Variants in SLC9A7 observed in about 807,000 individuals in gnomAD.
The protein encoded by SLC9A7 is solute carrier family 9 member A7, also known as sodium/hydrogen exchanger 7.
In SLC9A7, 19 loss-of-function variants were observed where a neutral mutation model predicts 52.6. The observed-to-expected ratio is 0.36, with a 90% confidence interval of 0.25 to 0.53. The LOEUF is 0.53. Ranked by LOEUF, SLC9A7 falls within the 20% of genes least tolerant of loss-of-function variation. The pLI, the probability that SLC9A7 is intolerant of heterozygous loss-of-function variation, is 0.91. For synonymous variants in SLC9A7, 226 were observed against 252.1 expected, an observed-to-expected ratio of 0.90 and a Z score of 0.98; for missense variants, 455 against 597.9, an observed-to-expected ratio of 0.76 and a Z score of 2.49.
intron 3 of SLC9A7, 30 bp from the exon 4 acceptor site, chrX:46,672,657 A>G (rs775144677): frequency 1.9e-6 from 2 of 1,057,214 alleles, no homozygotes; most frequent in African/African-American, 3.7e-5. Flanking sequence ...AAAACCCAGG[A>G]ATCACATTGT....
intron 15 of SLC9A7, among the ~76,000 whole-genome samples, chrX:46,616,910 G>A (rs1391815488): frequency 9.0e-6 from 1 of 111,368 alleles, no homozygotes; most frequent in South Asian, 3.8e-4. Flanking sequence ...GAATGCCCCC[G>A]AACGTGTCCA....
At chrX:46,642,246 G>A (rs748631474) in intron 12 of SLC9A7, among the ~76,000 whole-genome samples, 23 of 112,919 alleles carry the variant, frequency 2.0e-4, no homozygotes, top group Non-Finnish European at 3.6e-4. Flanking sequence ...CAGCTGTGTC[G>A]GGCATTCTAC....
chrX:46,700,854 G>T (rs937728577), intron 1 of SLC9A7, among the ~76,000 whole-genome samples: 3 of 111,568 alleles, frequency 2.7e-5, no homozygotes, highest in Non-Finnish European at 5.6e-5. Context: ...GAGAAGTTAA[G>T]GTACCATTGC....
chrX:46,738,031 AAAAGAAAGAAAGAAAGAAAGAAAG>A (rs58544637), intron 1 of SLC9A7, among the ~76,000 whole-genome samples: 4,340 of 70,359 alleles, frequency 0.062, 183 homozygotes, highest in Middle Eastern at 0.093. Flanking sequence ...TGTCTCAAAA[AAAAGAAAGAAAGAAAGAAAGAAAG>A]AAAGAAAGAA....
intron 7 of SLC9A7, among the ~76,000 whole-genome samples, chrX:46,655,863 G>A (rs1459934700): frequency 3.5e-5 from 4 of 112,757 alleles, no homozygotes; most frequent in Non-Finnish European, 7.5e-5. Flanking sequence ...ACTGGGTGGA[G>A]CCCACCACAG....
intron 7 of SLC9A7, among the ~76,000 whole-genome samples, chrX:46,660,774 G>A (rs1350142927): frequency 1.9e-5 from 2 of 108,072 alleles, no homozygotes; most frequent in Non-Finnish European, 3.8e-5. Context: ...CTGTTGGTGG[G>A]ACTGTAAACT....
intron 1 of SLC9A7, among the ~76,000 whole-genome samples, chrX:46,723,888 G>A (rs1944902188): frequency 9.0e-6 from 1 of 111,688 alleles, no homozygotes; most frequent in Non-Finnish European, 1.9e-5. Context: ...AGGAGTTCAA[G>A]GCCAGCCTGG....
At chrX:46,645,621 T>G in intron 11 of SLC9A7, among the ~76,000 whole-genome samples, 1 of 103,326 alleles carries the variant, frequency 9.7e-6, no homozygotes, top group Non-Finnish European at 2.0e-5. Context: ...CCACTCCCTT[T>G]TTTTTTTTTT....
In SLC9A7 at chrX:46,682,401, T is replaced by C. The variant is rs1196966693; in HGVS notation, c.460A>G (p.Thr154Ala). Residue 154 changes from threonine (T) to alanine (A), a missense_variant, in exon 2 of 17, where the codon ACT becomes GCT. Physicochemically the swap from Thr to Ala is moderately conservative, Grantham distance 58 (BLOSUM62 0). Coordinates refer to ENST00000616978, the MANE Select transcript of SLC9A7 (RefSeq NM_001257291.2). ...CCAGGACTGATTTCTCCTTTCAGAG[T>C]GTATTCGAAGAACTTTCCGCTGACA... ...VNVSGKFFEYTLKGEISPGKI... is the reference protein window; with the variant it reads ...VNVSGKFFEYALKGEISPGKI... 1 of 1,211,119 alleles carries C rather than the reference T, an allele frequency of 8.3e-7. No individual in the cohort carries two copies.
intron 14 of SLC9A7, among the ~76,000 whole-genome samples, chrX:46,627,442 ACACATTCC>A (rs1943149101): frequency 8.9e-6 from 1 of 111,986 alleles, no homozygotes; most frequent in Admixed American, 9.4e-5. Flanking sequence ...TAAAATGTAC[ACACATTCC>A]CTGGAGACAC....
intron 11 of SLC9A7, among the ~76,000 whole-genome samples, chrX:46,644,773 A>G (rs1943462446): frequency 1.8e-5 from 2 of 112,244 alleles, no homozygotes; most frequent in South Asian, 7.3e-4. Flanking sequence ...ACATCTTTCT[A>G]TTTTGCAATT....
At chrX:46,756,956 G>T (rs781995505) in intron 1 of SLC9A7, among the ~76,000 whole-genome samples, 1 of 111,976 alleles carries the variant, frequency 8.9e-6, no homozygotes, top group Non-Finnish European at 1.9e-5. Flanking sequence ...TCAGAACACG[G>T]AGTACTCTCC....
At chrX:46,652,435 C>CA (rs1556088930) in intron 8 of SLC9A7, among the ~76,000 whole-genome samples, 329 of 686 alleles carry the variant, frequency 0.48, 2 homozygotes, top group Non-Finnish European at 0.4. Context: ...TATAGGCATG[C>CA]GCACTGTGCC....
Position 46,639,241 on chromosome X carries a change from G to A in SLC9A7, c.1617-3593C>T, listed in dbSNP as rs192237250. ...GATGAACATCTACAAAAACCCTATA[G>A]CTAATATTATAGTTAATAAGGCAAG... On this transcript the variant is annotated intron_variant, in intron 12 of 16. Transcript: ENST00000616978. Among the ~76,000 whole-genome samples the A allele has an allele frequency of 4.4e-3, 476 of 109,368 alleles. 5 individuals are homozygous for A. Among genetic ancestry groups the A allele is most frequent in the African/African-American group, 0.015 (459 of 30,104 alleles). The allele number at this position is 109,368 out of a possible 115,157, so 95.0% of individuals were successfully genotyped here. A position where few individuals can be genotyped will look rare whatever the true frequency, so the allele number is the denominator to read the frequency against.
chrX:46,716,513 C>T (rs1324183533), intron 1 of SLC9A7, among the ~76,000 whole-genome samples: 3 of 111,589 alleles, frequency 2.7e-5, no homozygotes, highest in African/African-American at 9.8e-5. Context: ...ACAGGTGCTA[C>T]AAAAGCACAG....
intron 10 of SLC9A7, among the ~76,000 whole-genome samples, chrX:46,650,906 CCTT>C (rs1943569162): frequency 9.0e-6 from 1 of 111,307 alleles, no homozygotes; most frequent in South Asian, 3.8e-4. Flanking sequence ...GCCACTTAAG[CCTT>C]CTTTTTTTCA....
chrX:46,615,529 G>A (rs1009386343), intron 15 of SLC9A7, among the ~76,000 whole-genome samples: 3 of 109,853 alleles, frequency 2.7e-5, no homozygotes, highest in African/African-American at 6.6e-5. Context: ...AGGAGGCCAG[G>A]GGAACTCAGA....
rs369448507 is a variant in SLC9A7 at position 46,715,197 on chromosome X, T to G, written c.326-32662A>C. Among the ~76,000 whole-genome samples, 24 of 112,166 alleles carry G rather than the reference T, an allele frequency of 2.1e-4. No individual in the cohort carries two copies. The East Asian group carries it at 6.4e-3, about 30-fold the overall frequency. ...CAATAAGTATCCTAAAAATAATTTT[T>G]AAAGAATTTTTAAAGTATTTATTTA... On this transcript the variant is annotated intron_variant, in intron 1 of 16. Coordinates refer to ENST00000616978, the MANE Select transcript of SLC9A7 (RefSeq NM_001257291.2).
rs189994156 is a variant in SLC9A7, at chrX:46,666,052, G to T, written c.794-3409C>A. Among the ~76,000 whole-genome samples the T allele has an allele frequency of 2.1e-3, 232 of 111,497 alleles. 2 individuals are homozygous for T. Among genetic ancestry groups the T allele is most frequent in the African/African-American group, 7.2e-3 (222 of 30,680 alleles). ...GCCAAGTACAGTAATCAGGGACAAGGATTCTTATTCCTTCATATCAGTCAA... is the reference window on the plus strand; with the variant it reads ...GCCAAGTACAGTAATCAGGGACAAGTATTCTTATTCCTTCATATCAGTCAA... On this transcript the variant is annotated intron_variant, in intron 5 of 16. Coordinates refer to ENST00000616978, the MANE Select transcript of SLC9A7 (RefSeq NM_001257291.2).
Sources: allele counts gnomAD v4.1 joint callset (sites outside exome capture counted in the v4.1 genomes callset), GRCh38; gene constraint gnomAD v4.1.1; transcripts MANE v1.5; gene names NCBI Gene and HGNC (gene_info 2026-07-23, HGNC 2026-07-21).